Variants in CDH22 observed in about 807,000 individuals in gnomAD.
The protein encoded by CDH22 is cadherin 22, also known as cadherin-22.
CDH22 carries 30 observed loss-of-function variants against 58.4 expected under a neutral mutation model. The observed-to-expected ratio is 0.51, with a 90% CI of 0.38 to 0.70. The LOEUF (loss-of-function observed/expected upper bound fraction) is 0.70, where lower values mean the gene tolerates loss of function less well. Ranked by LOEUF, CDH22 falls within the 30% of genes least tolerant of loss-of-function variation. CDH22 has a pLI of 0.00. For missense variants in CDH22, 1,014 were observed against 1,233.9 expected (o/e 0.82, Z 2.67); for synonymous variants, 513 against 558.2 (o/e 0.92, Z 1.14).
At position 46,227,640 on chromosome 20, in the gene CDH22, G is replaced by A. The variant is rs375624114; in HGVS notation, c.551-13C>T. 26 of 1,604,514 alleles carry A rather than the reference G, an allele frequency of 1.6e-5. No individual in the cohort carries two copies. Among genetic ancestry groups the A allele is most frequent in the Non-Finnish European group, 2.1e-5 (25 of 1,176,164 alleles). Reference sequence around the variant, plus strand: ...ATCACCGACGTGCCTGGGCCCGGGGGACCAAGCGAGACAGGGGTCATCTGG... The same window carrying A: ...ATCACCGACGTGCCTGGGCCCGGGGAACCAAGCGAGACAGGGGTCATCTGG... On this transcript the variant is annotated splice_polypyrimidine_tract_variant and intron_variant, in intron 3 of 11. Transcript: ENST00000537909.
chr20:46,265,249 C>G (rs1172938624), intron 1 of CDH22, among the ~76,000 whole-genome samples: 1 of 152,126 alleles, frequency 6.6e-6, no homozygotes, highest in Admixed American at 6.5e-5. Flanking sequence ...ATGGTGCCAG[C>G]CAAGCAGAGT....
chr20:46,177,602 G>A (rs2145643334), intron 11 of CDH22, among the ~76,000 whole-genome samples: 1 of 152,266 alleles, frequency 6.6e-6, no homozygotes, highest in South Asian at 2.1e-4. Flanking sequence ...CTGGCCATGT[G>A]CTTGTGAGGT....
intron 1 of CDH22, among the ~76,000 whole-genome samples, chr20:46,274,969 C>A (rs567797704): frequency 6.6e-6 from 1 of 152,262 alleles, no homozygotes; most frequent in Non-Finnish European, 1.5e-5. Context: ...TGCAGATGGG[C>A]ACGGAGGCTC....
intron 10 of CDH22, 122 bp downstream of exon 10, chr20:46,186,466 T>C (rs1795200847): frequency 1.4e-6 from 1 of 739,056 alleles, no homozygotes; most frequent in Non-Finnish European, 2.3e-6. Flanking sequence ...GCCCAGACTT[T>C]CCATGTGATC....
chr20:46,289,169 A>T (rs1011324941), intron 1 of CDH22, among the ~76,000 whole-genome samples: 1 of 152,070 alleles, frequency 6.6e-6, no homozygotes, highest in Non-Finnish European at 1.5e-5. Flanking sequence ...CTTGCCTGGA[A>T]CACCCTCGCC....
intron 3 of CDH22, among the ~76,000 whole-genome samples, chr20:46,240,030 T>C (rs1162423205): frequency 6.6e-6 from 1 of 152,174 alleles, no homozygotes; most frequent in Admixed American, 6.5e-5. Context: ...CCTGGGTGTG[T>C]GCAGTCATAC....
At chr20:46,299,340 C>A (rs2086641286) in intron 1 of CDH22, among the ~76,000 whole-genome samples, 1 of 152,238 alleles carries the variant, frequency 6.6e-6, no homozygotes, top group Non-Finnish European at 1.5e-5. Flanking sequence ...CCCACGAAGC[C>A]TCCCCCAGTG....
At chr20:46,212,624 C>T (rs1369218269) in intron 6 of CDH22, among the ~76,000 whole-genome samples, 1 of 152,140 alleles carries the variant, frequency 6.6e-6, no homozygotes, top group Non-Finnish European at 1.5e-5. Context: ...TCTATTTTCT[C>T]AGTTATAAAA....
At chr20:46,245,094 G>A (rs974516486) in intron 2 of CDH22, among the ~76,000 whole-genome samples, 1 of 152,070 alleles carries the variant, frequency 6.6e-6, no homozygotes, top group Non-Finnish European at 1.5e-5. Flanking sequence ...CGCTTAGTAG[G>A]TGCTCAATAT....
intron 8 of CDH22, among the ~76,000 whole-genome samples, chr20:46,198,568 T>G (rs1318113343): frequency 6.6e-6 from 1 of 152,082 alleles, no homozygotes; most frequent in Non-Finnish European, 1.5e-5. Flanking sequence ...CCCGTTTCCC[T>G]CTCAGGCTCC....
intron 1 of CDH22, among the ~76,000 whole-genome samples, chr20:46,289,215 C>A (rs2086589622): frequency 6.6e-6 from 1 of 152,148 alleles, no homozygotes; most frequent in Admixed American, 6.5e-5. Context: ...TCCCTTCCTT[C>A]GAGGGTCTGC....
intron 3 of CDH22, among the ~76,000 whole-genome samples, chr20:46,229,018 A>G (rs1219537428): frequency 6.6e-6 from 1 of 152,074 alleles, no homozygotes; most frequent in African/African-American, 2.4e-5. Context: ...CAGTCTCCTA[A>G]AACGTCCCTG....
At chr20:46,203,086 G>A (rs965494461) in intron 7 of CDH22, among the ~76,000 whole-genome samples, 1 of 151,930 alleles carries the variant, frequency 6.6e-6, no homozygotes, top group Non-Finnish European at 1.5e-5. Flanking sequence ...TTCTTTCCTC[G>A]AGGGGAAGGG....
At position 46,251,171 on chromosome 20, in the gene CDH22, G is replaced by C; in HGVS notation, c.124C>G (p.Pro42Ala). ...LLGRLWAAGT[P>A]SPSAPGARQD... The stretch of plus-strand genomic sequence containing the variant: ...CGAGCTCCGGGCGCCGACGGCGAGG[G>C]TGTGCCCGCTGCCCACAGGCGCCCC... The change falls in exon 2 of 12, where the codon CCC (proline) becomes GCC (alanine). Residue 42 changes from proline to alanine, a missense_variant. Physicochemically the swap from Pro to Ala is conservative, Grantham distance 27. Transcript: ENST00000537909. The surrounding 1 kb of genome is among the most constrained non-coding windows in gnomAD (Gnocchi z 6.7). The C allele has an allele frequency of 6.4e-7, 1 of 1,572,180 alleles. No individual in the cohort carries two copies. Among genetic ancestry groups the C allele is most frequent in the Non-Finnish European group, 8.6e-7 (1 of 1,160,818 alleles).
intron 6 of CDH22, among the ~76,000 whole-genome samples, chr20:46,212,623 T>C (rs1050090785): frequency 6.6e-6 from 1 of 152,148 alleles, no homozygotes; most frequent in Non-Finnish European, 1.5e-5. Flanking sequence ...ATCTATTTTC[T>C]CAGTTATAAA....
intron 8 of CDH22, among the ~76,000 whole-genome samples, chr20:46,191,665 G>C (rs1401976949): frequency 6.6e-6 from 1 of 152,168 alleles, no homozygotes; most frequent in African/African-American, 2.4e-5. Flanking sequence ...GAGAAAACTT[G>C]CCCAAAGTCT....
intron 1 of CDH22, among the ~76,000 whole-genome samples, chr20:46,261,940 G>A (rs189142963): frequency 7.9e-5 from 12 of 152,182 alleles, no homozygotes; most frequent in Middle Eastern, 3.4e-3. Flanking sequence ...CTGCCTTAGC[G>A]TGCCTGCAAC....
intron 3 of CDH22, among the ~76,000 whole-genome samples, chr20:46,228,561 G>A (rs1428803833): frequency 6.6e-6 from 1 of 152,016 alleles, no homozygotes; most frequent in Non-Finnish European, 1.5e-5. Flanking sequence ...GTGGGGGTGG[G>A]GGTAAGGGTG....
At chr20:46,226,251 T>TTCTTCTTCTTCTTCC (rs1555803533) in intron 4 of CDH22, among the ~76,000 whole-genome samples, 6 of 11,194 alleles carry the variant, frequency 5.4e-4, no homozygotes, top group South Asian at 4.0e-3. Context: ...CTTCTTCTTC[T>TTCTTCTTCTTCTTCC]TCTTCTTCTT....
Sources: gnomAD v4.1 joint callset for allele counts (sites outside exome capture counted in the v4.1 genomes callset) on GRCh38, gnomAD v4.1.1 for gene constraint, Gnocchi (gnomAD v3.1) non-coding constraint, MANE v1.5 for transcripts, NCBI Gene and HGNC (gene_info 2026-07-23, HGNC 2026-07-21) for gene names.